CPT1C: variants seen among roughly 807,000 people sequenced by gnomAD.
The protein encoded by CPT1C is carnitine palmitoyltransferase 1C, also known as palmitoyl thioesterase CPT1C.
CPT1C carries 61 observed loss-of-function variants against 97.3 expected under a neutral mutation model. That is an observed-to-expected ratio of 0.63 (90% CI 0.51 to 0.78). The LOEUF (loss-of-function observed/expected upper bound fraction) is 0.78, where lower values mean the gene tolerates loss of function less well. Ranked by LOEUF, CPT1C falls within the 30% of genes least tolerant of loss-of-function variation. CPT1C has a pLI of 0.00. For missense variants in CPT1C, 975 were observed against 1,065.5 expected (o/e 0.92, Z 1.18); for synonymous variants, 469 against 447.2 (o/e 1.05, Z -0.61).
At chr19:49,693,681 T>C (rs973467744) in intron 3 of CPT1C, among the ~76,000 whole-genome samples, 1 of 152,018 alleles carries the variant, frequency 6.6e-6, no homozygotes, top group African/African-American at 2.4e-5. Context: ...CCCAGCACTT[T>C]GGGAGGCTGA....
Position 49,705,850 on chromosome 19 carries a change from T to C in CPT1C, c.965-59T>C, listed in dbSNP as rs1408288704. ...CACCTAAGAAGTATATAATAAATGGTCACTATTTTTATGTGTCTGGCCTTC... is the reference window on the plus strand; with the variant it reads ...CACCTAAGAAGTATATAATAAATGGCCACTATTTTTATGTGTCTGGCCTTC... On this transcript the variant is annotated intron_variant, in intron 10 of 19. Transcript: ENST00000598293. 3 of 1,447,662 alleles carry C rather than the reference T, an allele frequency of 2.1e-6. No homozygotes were observed. In the African/African-American group the frequency reaches 4.3e-5, roughly 21 times the overall value. 89.7% of individuals were successfully genotyped at this position (1,447,662 alleles called of 1,614,324 possible).
chr19:49,712,308 C>T, intron 17 of CPT1C: 1 of 316,876 alleles, frequency 3.2e-6, no homozygotes, highest in Non-Finnish European at 5.8e-6. Flanking sequence ...CGCACCACTG[C>T]ACTCCAGCCT....
Position 49,706,173 on chromosome 19 carries a change from G to C in CPT1C, c.1161-58G>C. The C allele has an allele frequency of 1.9e-6, 3 of 1,554,898 alleles. No homozygotes were observed. The highest frequency in any genetic ancestry group is 2.6e-6 in the Non-Finnish European group (3 of 1,149,966). ...AGTGTCCTGAGACTGTGGAAGGGCA[G>C]GGTGGGGCCAGGTGGCGGCTGGGCA... On this transcript the variant is annotated intron_variant, in intron 11 of 19. Coordinates refer to ENST00000598293, the MANE Select transcript of CPT1C (RefSeq NM_001199753.2). This position sits in a 1 kb window ranked among gnomAD's most constrained non-coding sequence, Gnocchi z 4.8.
chr19:49,711,778 C>T (rs2083902147), intron 16 of CPT1C, 31 bp from the exon 17 acceptor site: 1 of 1,585,798 alleles, frequency 6.3e-7, no homozygotes. Context: ...TCCTGTCTTT[C>T]CATGACCTGT....
At chr19:49,697,963 C>A (rs1222125113) in intron 4 of CPT1C, 1 of 150,746 alleles carries the variant, frequency 6.6e-6, no homozygotes, top group Admixed American at 6.7e-5. Flanking sequence ...GCAGGAGAAT[C>A]GCTTGAACCC....
intron 16 of CPT1C, chr19:49,711,358 C>G: frequency 6.3e-6 from 1 of 157,874 alleles, no homozygotes; most frequent in Non-Finnish European, 1.4e-5. Context: ...CTCCCTGCCT[C>G]GGCCTCCCAA....
At position 49,710,084 on chromosome 19, in the gene CPT1C, G is replaced by A. The variant is rs190717453; in HGVS notation, c.1567-236G>A. Among the ~76,000 whole-genome samples, 172 of 152,174 alleles carry A rather than the reference G, an allele frequency of 1.1e-3. 1 individual carries two copies. The highest frequency in any genetic ancestry group is 3.6e-3 in the African/African-American group (151 of 41,528). On this transcript the variant is annotated intron_variant, in intron 14 of 19. Coordinates refer to ENST00000598293, the MANE Select transcript of CPT1C (RefSeq NM_001199753.2). The stretch of plus-strand genomic sequence containing the variant: ...GCTGGTCTCAAACTCCCGACCTCAG[G>A]TGATCCGCCCGCCTCGGCCTCCCAA...
chr19:49,698,462 A>G (rs1439765070), intron 4 of CPT1C, among the ~76,000 whole-genome samples: 1 of 151,988 alleles, frequency 6.6e-6, no homozygotes, highest in East Asian at 1.9e-4. Context: ...CAGGAGTTTG[A>G]GACCAGCCTG....
At chr19:49,693,327 G>A (rs890608187) in intron 3 of CPT1C, among the ~76,000 whole-genome samples, 2 of 152,022 alleles carry the variant, frequency 1.3e-5, no homozygotes, top group Non-Finnish European at 2.9e-5. Context: ...GTGAACTGGG[G>A]TCTGGAACAC....
At chr19:49,699,295 A>G (rs2082853481) in intron 4 of CPT1C, among the ~76,000 whole-genome samples, 1 of 151,404 alleles carries the variant, frequency 6.6e-6, no homozygotes, top group Non-Finnish European at 1.5e-5. Context: ...TTTTGTGCAG[A>G]TGGCCCCAAA....
At chr19:49,701,221 C>A in intron 5 of CPT1C, 96 bp from the exon 6 acceptor site, 1 of 981,856 alleles carries the variant, frequency 1.0e-6, no homozygotes, top group Non-Finnish European at 1.5e-6. Context: ...GTCTCTGTGT[C>A]CTTCTCTTTG....
rs12973248 is a variant in CPT1C, at chr19:49,701,586, G to A, written c.645G>A (p.Ser215=). 0.16 allele frequency: 250,718 copies of A among 1,611,266 alleles called. 21,736 individuals are homozygous for A. Among genetic ancestry groups the A allele is most frequent in the Non-Finnish European group, 0.18 (211,012 of 1,178,494 alleles). ...LAQEFLRLQA[S]LLQWYLRLKS... ...AGGAATTCCTGAGGCTGCAGGCGTCGCTGCTGCAGTGGTACCTGCGGCTCA... is the reference window on the plus strand; with the variant it reads ...AGGAATTCCTGAGGCTGCAGGCGTCACTGCTGCAGTGGTACCTGCGGCTCA... Residue 215 remains serine (S), a synonymous_variant, in exon 7 of 20, where the codon TCG becomes TCA. Coordinates refer to ENST00000598293, the MANE Select transcript of CPT1C (RefSeq NM_001199753.2).
chr19:49,711,788 T>C, intron 16 of CPT1C, 21 bp from the exon 17 acceptor site: 1 of 1,595,188 alleles, frequency 6.3e-7, no homozygotes, highest in Non-Finnish European at 8.5e-7. Flanking sequence ...CCATGACCTG[T>C]GACCTCCCTG....
chr19:49,698,193 C>T (rs1368744850), intron 4 of CPT1C, among the ~76,000 whole-genome samples: 2 of 151,812 alleles, frequency 1.3e-5, no homozygotes, highest in Admixed American at 6.6e-5. Flanking sequence ...GGTGAAACCC[C>T]GTCTCTACTA....
intron 14 of CPT1C, 74 bp downstream of exon 14, chr19:49,708,913 CT>C (rs1272270048): frequency 2.1e-6 from 2 of 934,252 alleles, no homozygotes; most frequent in African/African-American, 3.3e-5. Context: ...ATCCCCACCC[CT>C]AATCTGAACG....
In CPT1C at chr19:49,708,796, C is replaced by T. The variant is rs141453772; in HGVS notation, c.1523C>T (p.Thr508Ile). The T allele has an allele frequency of 3.8e-5, 61 of 1,613,948 alleles. No homozygotes were observed. In the African/African-American group the frequency reaches 6.5e-4, roughly 17 times the overall value. Residue 508 changes from threonine to isoleucine, a missense_variant, in exon 14 of 20, where the codon ACA becomes ATA. Around this residue, in one of 3 missense-constraint regions of CPT1C, gnomAD observed 344 missense variants for 395.7 expected, o/e 0.87. Coordinates refer to ENST00000598293, the MANE Select transcript of CPT1C (RefSeq NM_001199753.2). ...CACTGCAAGGGGCACCCGGACCCCACACTACCCCAGCCCCAGCGGCTGCAA... is the reference window on the plus strand; with the variant it reads ...CACTGCAAGGGGCACCCGGACCCCATACTACCCCAGCCCCAGCGGCTGCAA... Reference protein sequence around the residue: ...DGHCKGHPDPTLPQPQRLQWD... With the variant: ...DGHCKGHPDPILPQPQRLQWD...
At chr19:49,698,873 C>T (rs1046689859) in intron 4 of CPT1C, among the ~76,000 whole-genome samples, 4 of 151,408 alleles carry the variant, frequency 2.6e-5, no homozygotes, top group African/African-American at 9.7e-5. Flanking sequence ...GAGGCTGAGG[C>T]GGGTGGATCA....
chr19:49,701,651 C>A lies in CPT1C; in HGVS notation c.693+17C>A. ...TCCAATTATGTGAGTCCCGCCACCG[C>A]CACCAACGCCCCACCTGAAGGGCTA... On this transcript the variant is annotated intron_variant, in intron 7 of 19. Transcript: ENST00000598293. 6.3e-7 allele frequency: 1 copy of A among 1,583,180 alleles called. No individual in the cohort carries two copies. Among genetic ancestry groups the A allele is most frequent in the East Asian group, 2.3e-5 (1 of 44,012 alleles).
rs1208355399 is a variant in CPT1C at position 49,710,500 on chromosome 19, C to CA, written c.1731+17dup. 1 of 1,614,112 alleles carries CA rather than the reference C, an allele frequency of 6.2e-7. No homozygotes were observed. The highest frequency in any genetic ancestry group is 1.1e-5 in the South Asian group (1 of 91,084). ...CCACTTCCGGGTCAGTTGGGTTCCC[C>CA]ATCCACAGCCCCCGCAGGGTCTCAG... On this transcript the variant is annotated intron_variant, in intron 15 of 19. Transcript: ENST00000598293.
Sources: gnomAD v4.1 joint callset for allele counts (sites outside exome capture counted in the v4.1 genomes callset) on GRCh38, gnomAD v4.1.1 for gene constraint, gnomAD v4.1.1 regional missense constraint, Gnocchi (gnomAD v3.1) non-coding constraint, MANE v1.5 for transcripts, NCBI Gene and HGNC (gene_info 2026-07-23, HGNC 2026-07-21) for gene names.